Variants in TENM2 observed in about 807,000 individuals in gnomAD.
The protein encoded by TENM2 is teneurin transmembrane protein 2, also known as teneurin-2.
Under a neutral mutation model 245.2 loss-of-function variants are expected in TENM2, and 52 were observed. The ratio of observed to expected loss-of-function variants is 0.21; its 90% confidence interval spans 0.17 to 0.27. The LOEUF (loss-of-function observed/expected upper bound fraction) is 0.27, where lower values mean the gene tolerates loss of function less well. TENM2 is among the 10% of genes least tolerant of loss of function. TENM2 has a pLI of 1.00. For synonymous variants in TENM2, 1,363 were observed against 1,438.9 expected (o/e 0.95, Z 1.19); for missense variants, 3,046 against 3,666.8 (o/e 0.83, Z 4.37).
intron 4 of TENM2, among the ~76,000 whole-genome samples, chr5:167,991,685 G>C (rs1783678304): frequency 6.6e-6 from 1 of 152,160 alleles, no homozygotes. Context: ...GGCTAACACG[G>C]ACACCTTATT....
the TENM2 span, among the ~76,000 whole-genome samples, chr5:167,093,920 C>A: frequency 9.2e-4 from 140 of 152,266 alleles, no homozygotes; most frequent in Non-Finnish European, 1.8e-3. Context: ...GAGCACACAT[C>A]AAAAAGATGG....
At chr5:167,054,179 C>T in the TENM2 span, among the ~76,000 whole-genome samples, 1 of 150,852 alleles carries the variant, frequency 6.6e-6, no homozygotes, top group Non-Finnish European at 1.5e-5. Context: ...TGTAAAAATC[C>T]TCTGTGCTCT....
intron 12 of TENM2, among the ~76,000 whole-genome samples, chr5:168,127,247 G>C (rs1317200804): frequency 1.3e-5 from 2 of 152,188 alleles, no homozygotes; most frequent in Non-Finnish European, 2.9e-5. Flanking sequence ...GGAAACTGTC[G>C]GTGTCTGGGG....
intron 2 of TENM2, among the ~76,000 whole-genome samples, chr5:167,673,010 C>T (rs999724740): frequency 6.6e-6 from 1 of 151,660 alleles, no homozygotes; most frequent in Non-Finnish European, 1.5e-5. Context: ...TACCCTCCAA[C>T]CCCCAAAACA....
intron 2 of TENM2, among the ~76,000 whole-genome samples, chr5:167,597,910 T>C (rs1776335312): frequency 6.6e-6 from 1 of 152,214 alleles, no homozygotes; most frequent in Non-Finnish European, 1.5e-5. Flanking sequence ...CCTATAGTTC[T>C]TTACTGCCTG....
chr5:167,897,900 T>G (rs1353898218), intron 3 of TENM2, among the ~76,000 whole-genome samples: 5 of 149,856 alleles, frequency 3.3e-5, no homozygotes, highest in Non-Finnish European at 7.4e-5. Flanking sequence ...GTTTTTTTTT[T>G]TTTTTTTTTT....
At chr5:167,629,265 G>A (rs1482667941) in intron 2 of TENM2, among the ~76,000 whole-genome samples, 1 of 152,154 alleles carries the variant, frequency 6.6e-6, no homozygotes, top group African/African-American at 2.4e-5. Context: ...GACATTAGGT[G>A]AATTTCTTAA....
At chr5:168,158,968 C>CAT (rs750695899) in intron 12 of TENM2, among the ~76,000 whole-genome samples, 74 of 144,022 alleles carry the variant, frequency 5.1e-4, no homozygotes, top group Non-Finnish European at 7.4e-4. Flanking sequence ...TACGTGTATA[C>CAT]ATATATATAT....
intron 3 of TENM2, among the ~76,000 whole-genome samples, chr5:167,918,547 A>G (rs1477269464): frequency 6.6e-6 from 1 of 152,214 alleles, no homozygotes; most frequent in Non-Finnish European, 1.5e-5. Context: ...CAGGACTGGA[A>G]TTGACACTGG....
chr5:167,468,222 C>T (rs1766796244), intron 2 of TENM2, among the ~76,000 whole-genome samples: 2 of 152,182 alleles, frequency 1.3e-5, no homozygotes, highest in African/African-American at 2.4e-5. Flanking sequence ...CAGGCGTGAG[C>T]CACCACGCCC....
At chr5:168,023,346 C>T (rs938458294) in intron 5 of TENM2, among the ~76,000 whole-genome samples, 1 of 152,190 alleles carries the variant, frequency 6.6e-6, no homozygotes, top group Non-Finnish European at 1.5e-5. Flanking sequence ...TGATGATTTC[C>T]AGGCCGCGGA....
intron 2 of TENM2, among the ~76,000 whole-genome samples, chr5:167,831,484 A>AG (rs1768483778): frequency 1.9e-5 from 1 of 53,550 alleles, no homozygotes; most frequent in Non-Finnish European, 4.3e-5. Context: ...AGAGTTCAGC[A>AG]CTTTTTTTTT....
chr5:167,483,979 G>A (rs1001396697), intron 2 of TENM2, among the ~76,000 whole-genome samples: 9 of 152,148 alleles, frequency 5.9e-5, no homozygotes, highest in South Asian at 2.1e-4. Context: ...TTAAGTTGTT[G>A]TATGGGCTAG....
intron 5 of TENM2, among the ~76,000 whole-genome samples, chr5:168,003,210 A>G (rs1249736238): frequency 6.6e-6 from 1 of 152,106 alleles, no homozygotes; most frequent in Non-Finnish European, 1.5e-5. Flanking sequence ...ACAATAAGAA[A>G]TTGAGGACAT....
intron 2 of TENM2, among the ~76,000 whole-genome samples, chr5:167,746,960 G>A (rs1217739342): frequency 1.3e-5 from 2 of 152,106 alleles, no homozygotes; most frequent in African/African-American, 4.8e-5. Flanking sequence ...TGTTAGCATA[G>A]TGCAAAATGG....
the TENM2 span, among the ~76,000 whole-genome samples, chr5:167,227,870 C>G: frequency 6.6e-6 from 1 of 152,144 alleles, no homozygotes; most frequent in Non-Finnish European, 1.5e-5. Flanking sequence ...TCTCTCTTTA[C>G]AACTGAGACA....
chr5:167,304,120 G>T (rs1406054467), intron 1 of TENM2, among the ~76,000 whole-genome samples: 1 of 152,226 alleles, frequency 6.6e-6, no homozygotes, highest in Non-Finnish European at 1.5e-5. Flanking sequence ...CCCATGAAGT[G>T]CAGAAAGTTA....
rs757572872 is a variant in TENM2, at chr5:168,195,778, T to TAC, written c.2900+484_2900+485dup. On this transcript the variant is annotated intron_variant, in intron 15 of 28. Transcript: ENST00000518659. ...GCTTTAGGAGTTGTGTTGTTTTCGCTACTGTTTGGAGGGGGTGGCGTGTAA... is the reference window on the plus strand; with the variant it reads ...GCTTTAGGAGTTGTGTTGTTTTCGCTACACTGTTTGGAGGGGGTGGCGTGTAA... Among the ~76,000 whole-genome samples the TAC allele has an allele frequency of 2.0e-4, 31 of 152,170 alleles. No individual in the cohort carries two copies. In the Middle Eastern group the frequency reaches 0.01, roughly 50 times the overall value.
At chr5:167,217,358 A>G in the TENM2 span, among the ~76,000 whole-genome samples, 3 of 152,206 alleles carry the variant, frequency 2.0e-5, no homozygotes, top group East Asian at 1.9e-4. Context: ...GAGGTTTCTC[A>G]GTATTTAAAA....
Sources: allele counts gnomAD v4.1 joint callset (sites outside exome capture counted in the v4.1 genomes callset), GRCh38; gene constraint gnomAD v4.1.1; transcripts MANE v1.5; gene names NCBI Gene and HGNC (gene_info 2026-07-23, HGNC 2026-07-21).